The following RANBP17 variants were observed in gnomAD, a reference collection of about 807,000 sequenced individuals.
RANBP17 encodes RAN binding protein 17.
In RANBP17, 158 loss-of-function variants were observed where a neutral mutation model predicts 141.2. The ratio of observed to expected loss-of-function variants is 1.12; its 90% CI spans 0.98 to 1.28. The LOEUF (loss-of-function observed/expected upper bound fraction) is 1.28. Among genes scored for constraint, RANBP17 ranks in the 50% most tolerant of loss-of-function variants. The probability of loss-of-function intolerance (pLI) is 0.00; values close to 1 mark genes in which losing one functional copy is unlikely to be tolerated. For synonymous variants in RANBP17, 430 were observed against 450.0 expected, an observed-to-expected ratio of 0.96 and a Z score of 0.56; for missense variants, 1,438 against 1,290.7, an observed-to-expected ratio of 1.11 and a Z score of -1.75.
Position 171,017,163 on chromosome 5 carries a change from C to T in RANBP17, c.1710+48786C>T, listed in dbSNP as rs1780495941. Among the ~76,000 whole-genome samples the T allele has an allele frequency of 1.3e-5, 2 of 152,052 alleles. 1 individual carries two copies. Among genetic ancestry groups the T allele is most frequent in the South Asian group, 4.1e-4 (2 of 4,824 alleles). On this transcript the variant is annotated intron_variant, in intron 14 of 27. Transcript: ENST00000523189. ...CTTTATCCAGTCTATCATTGATGGGCATTTAAGTTGGTTCTATGTCTTTGC... is the reference window on the plus strand; with the variant it reads ...CTTTATCCAGTCTATCATTGATGGGTATTTAAGTTGGTTCTATGTCTTTGC...
In RANBP17 at chr5:171,070,992, G is replaced by C. The variant is rs546316247; in HGVS notation, c.1711-99138G>C. ...ATGGTAAACATTCTGGTACATAACT[G>C]TTCTGCAAGTATATGTGCCAGAAAT... On this transcript the variant is annotated intron_variant, in intron 14 of 27. Transcript: ENST00000523189. 2.0e-5 allele frequency among the ~76,000 whole-genome samples: 3 copies of C among 152,122 alleles called. No homozygotes were observed. The East Asian group carries it at 5.8e-4, about 29-fold the overall frequency.
intron 14 of RANBP17, among the ~76,000 whole-genome samples, chr5:171,022,285 G>A (rs1780916897): frequency 6.6e-6 from 1 of 152,220 alleles, no homozygotes; most frequent in African/African-American, 2.4e-5. Flanking sequence ...GTGGCACAGG[G>A]ATGTGGACCC....
At chr5:170,976,895 TA>T (rs1777416764) in intron 14 of RANBP17, among the ~76,000 whole-genome samples, 1 of 152,094 alleles carries the variant, frequency 6.6e-6, no homozygotes, top group Non-Finnish European at 1.5e-5. Flanking sequence ...GAGAAAAATA[TA>T]AAATGCTTAA....
chr5:170,972,622 T>C (rs1305549775), intron 14 of RANBP17, among the ~76,000 whole-genome samples: 1 of 152,186 alleles, frequency 6.6e-6, no homozygotes. Context: ...TATGTTAGAT[T>C]GTTTCCAGAT....
At chr5:171,115,773 T>C (rs916078736) in intron 14 of RANBP17, among the ~76,000 whole-genome samples, 2 of 152,226 alleles carry the variant, frequency 1.3e-5, no homozygotes, top group Admixed American at 1.3e-4. Flanking sequence ...AATTCATAGA[T>C]GACAGTTTGT....
At chr5:171,181,848 A>G (rs1760879729) in intron 16 of RANBP17, among the ~76,000 whole-genome samples, 1 of 152,210 alleles carries the variant, frequency 6.6e-6, no homozygotes, top group Non-Finnish European at 1.5e-5. Context: ...TCCGTGATTG[A>G]TAATTGGCAA....
intron 14 of RANBP17, among the ~76,000 whole-genome samples, chr5:171,092,309 G>A (rs1018637538): frequency 3.9e-5 from 6 of 152,138 alleles, no homozygotes; most frequent in African/African-American, 1.4e-4. Context: ...TTATGTTACA[G>A]ATCTAAGAAT....
At chr5:171,220,691 A>G (rs181290268) in intron 21 of RANBP17, among the ~76,000 whole-genome samples, 2 of 151,758 alleles carry the variant, frequency 1.3e-5, no homozygotes, top group Non-Finnish European at 2.9e-5. Flanking sequence ...CAGGTGATCC[A>G]CCCATCTCGG....
chr5:171,218,089 C>T (rs1364985251), intron 21 of RANBP17, among the ~76,000 whole-genome samples: 1 of 152,088 alleles, frequency 6.6e-6, no homozygotes, highest in Non-Finnish European at 1.5e-5. Context: ...AGTACGTTGT[C>T]TCTTTGTTCT....
chr5:170,927,175 A>C (rs1466704548), intron 12 of RANBP17, among the ~76,000 whole-genome samples: 2 of 152,110 alleles, frequency 1.3e-5, no homozygotes, highest in African/African-American at 4.8e-5. Context: ...TAATTCTGCA[A>C]ATGTTGCCCA....
At chr5:170,891,879 T>TG (rs1281658617) in intron 3 of RANBP17, among the ~76,000 whole-genome samples, 1 of 152,198 alleles carries the variant, frequency 6.6e-6, no homozygotes, top group Non-Finnish European at 1.5e-5. Context: ...TAGCATTTTT[T>TG]GGTAGATAAA....
At chr5:170,862,492 C>T (rs908222434) in intron 1 of RANBP17, among the ~76,000 whole-genome samples, 2 of 152,222 alleles carry the variant, frequency 1.3e-5, no homozygotes, top group Admixed American at 6.5e-5. Context: ...GCTCTATCGT[C>T]AGCCTCCCTC....
intron 1 of RANBP17, among the ~76,000 whole-genome samples, chr5:170,867,794 G>A (rs545493345): frequency 6.6e-6 from 1 of 152,188 alleles, no homozygotes; most frequent in Admixed American, 6.5e-5. Flanking sequence ...TGTGCAATTG[G>A]ATGGGTTTTG....
intron 14 of RANBP17, among the ~76,000 whole-genome samples, chr5:171,137,608 G>GTGTGTGTGTGTC (rs1554103829): frequency 6.2e-4 from 89 of 143,786 alleles, no homozygotes; most frequent in African/African-American, 2.2e-3. Context: ...GTGTGTGTCT[G>GTGTGTGTGTGTC]TGTGTGTGTG....
At chr5:171,075,955 A>G in intron 14 of RANBP17, among the ~76,000 whole-genome samples, 1 of 151,768 alleles carries the variant, frequency 6.6e-6, no homozygotes, top group East Asian at 1.9e-4. Flanking sequence ...TTGTGAAAAA[A>G]AAGAAAAAAT....
chr5:170,929,914 A>G (rs1208291185), intron 12 of RANBP17, among the ~76,000 whole-genome samples: 1 of 152,124 alleles, frequency 6.6e-6, no homozygotes, highest in South Asian at 2.1e-4. Flanking sequence ...CTTGGGGTCA[A>G]ATTTAGTCAT....
intron 16 of RANBP17, among the ~76,000 whole-genome samples, chr5:171,172,252 G>A (rs868556481): frequency 9.2e-5 from 14 of 151,686 alleles, no homozygotes; most frequent in East Asian, 3.8e-4. Flanking sequence ...ACTTTTTATT[G>A]GAAAATAATC....
intron 14 of RANBP17, among the ~76,000 whole-genome samples, chr5:171,048,190 GT>G (rs1171990037): frequency 1.3e-5 from 2 of 152,108 alleles, no homozygotes; most frequent in South Asian, 4.1e-4. Context: ...AGCTTCCCAC[GT>G]AGCTGGGACC....
chr5:171,097,655 A>T (rs1448652341), intron 14 of RANBP17, among the ~76,000 whole-genome samples: 1 of 135,250 alleles, frequency 7.4e-6, no homozygotes, highest in Non-Finnish European at 1.6e-5. Context: ...TTATTATTAT[A>T]CTTTAAGTTC....
Sources: allele counts gnomAD v4.1 joint callset (sites outside exome capture counted in the v4.1 genomes callset), GRCh38; gene constraint gnomAD v4.1.1; transcripts MANE v1.5; gene names NCBI Gene and HGNC (gene_info 2026-07-23, HGNC 2026-07-21).